The following CDH12 variants were observed in gnomAD, a reference collection of about 807,000 sequenced individuals.
CDH12 encodes the protein cadherin 12, also known as cadherin-12.
In CDH12, 41 loss-of-function variants were observed where a neutral mutation model predicts 74.1. The observed-to-expected ratio is 0.55, with a 90% CI of 0.43 to 0.72. CDH12 has a LOEUF of 0.72. Among genes scored for constraint, CDH12 ranks in the 30% least tolerant of loss-of-function variants. The pLI, the probability that CDH12 is intolerant of heterozygous loss-of-function variation, is 0.00. For synonymous variants in CDH12, 399 were observed against 355.0 expected (o/e 1.12, Z -1.39); for missense variants, 945 against 977.2 (o/e 0.97, Z 0.44).
chr5:22,092,334 A>G (rs1743483733), intron 4 of CDH12, among the ~76,000 whole-genome samples: 1 of 152,140 alleles, frequency 6.6e-6, no homozygotes, highest in African/African-American at 2.4e-5. Context: ...AAGATAACCC[A>G]TAGAATGCAA....
At chr5:21,862,965 A>G (rs577252010) in intron 6 of CDH12, among the ~76,000 whole-genome samples, 31 of 152,128 alleles carry the variant, frequency 2.0e-4, no homozygotes, top group Non-Finnish European at 3.7e-4. Context: ...ACATAGGAAC[A>G]TGGGAGTCTT....
chr5:22,688,206 A>T (rs1741911497), intron 1 of CDH12, among the ~76,000 whole-genome samples: 1 of 152,190 alleles, frequency 6.6e-6, no homozygotes, highest in Non-Finnish European at 1.5e-5. Context: ...GTCAAGATGT[A>T]AGGCATTAGA....
chr5:22,689,993 C>T (rs950092186), intron 1 of CDH12, among the ~76,000 whole-genome samples: 2 of 151,944 alleles, frequency 1.3e-5, no homozygotes, highest in African/African-American at 4.8e-5. Flanking sequence ...GGTATTTCAC[C>T]TGGTTTTCAA....
intron 6 of CDH12, among the ~76,000 whole-genome samples, chr5:21,873,746 G>T (rs1751771726): frequency 6.6e-6 from 1 of 152,090 alleles, no homozygotes; most frequent in African/African-American, 2.4e-5. Context: ...TAGGTATTTA[G>T]CCCAACATGC....
At chr5:22,698,715 ATATATATATATATATATATAGTGT>A (rs1259313566) in intron 1 of CDH12, among the ~76,000 whole-genome samples, 1,604 of 35,466 alleles carry the variant, frequency 0.045, 131 homozygotes, top group Admixed American at 0.066. Context: ...ATATATATAT[ATATATATATATATATATATAGTGT>A]GTGTGTGTGT....
At chr5:22,391,383 A>G (rs969543456) in intron 3 of CDH12, among the ~76,000 whole-genome samples, 5 of 152,222 alleles carry the variant, frequency 3.3e-5, no homozygotes, top group Admixed American at 1.3e-4. Context: ...ACAAATATGT[A>G]TTGAATGCCA....
intron 2 of CDH12, among the ~76,000 whole-genome samples, chr5:22,412,976 T>C (rs187136844): frequency 1.3e-5 from 2 of 152,132 alleles, no homozygotes. Flanking sequence ...CCAGCCTATG[T>C]TACTATGGAA....
intron 1 of CDH12, among the ~76,000 whole-genome samples, chr5:22,755,848 T>G (rs1463056596): frequency 6.6e-6 from 1 of 152,090 alleles, no homozygotes; most frequent in Admixed American, 6.5e-5. Context: ...TCTAACTATT[T>G]TAAAAGTATC....
At chr5:21,934,571 T>C (rs1754987089) in intron 6 of CDH12, among the ~76,000 whole-genome samples, 1 of 152,216 alleles carries the variant, frequency 6.6e-6, no homozygotes. Context: ...GAAAAAGTCA[T>C]ATGCACTTCC....
At chr5:22,403,962 A>T (rs182222916) in intron 3 of CDH12, among the ~76,000 whole-genome samples, 2 of 152,280 alleles carry the variant, frequency 1.3e-5, no homozygotes, top group Admixed American at 6.5e-5. Context: ...TTATTTTACT[A>T]TATGATGCAT....
chr5:22,033,003 C>A, intron 5 of CDH12, among the ~76,000 whole-genome samples: 1 of 143,814 alleles, frequency 7.0e-6, no homozygotes, highest in Middle Eastern at 3.6e-3. Context: ...ATATTCTTAC[C>A]ACAGCCAAGA....
intron 1 of CDH12, among the ~76,000 whole-genome samples, chr5:22,615,992 T>A (rs1162020555): frequency 1.1e-4 from 17 of 152,150 alleles, no homozygotes. Context: ...TTAAGAAAGA[T>A]AGATCTGCTT....
chr5:22,149,099 C>T (rs1357010973), intron 4 of CDH12, among the ~76,000 whole-genome samples: 5 of 152,152 alleles, frequency 3.3e-5, no homozygotes, highest in Admixed American at 6.5e-5. Flanking sequence ...GCCTGGGTGA[C>T]AAGCAAGACT....
intron 1 of CDH12, among the ~76,000 whole-genome samples, chr5:22,728,380 A>G (rs1480549737): frequency 6.6e-6 from 1 of 151,944 alleles, no homozygotes; most frequent in African/African-American, 2.4e-5. Flanking sequence ...GGAGATAAAT[A>G]GAATCTGAGT....
At chr5:22,429,774 A>G (rs1028154623) in intron 2 of CDH12, among the ~76,000 whole-genome samples, 2 of 151,856 alleles carry the variant, frequency 1.3e-5, no homozygotes, top group Non-Finnish European at 2.9e-5. Flanking sequence ...TCATCTTGAC[A>G]ACATCTACAC....
intron 4 of CDH12, among the ~76,000 whole-genome samples, chr5:22,108,630 G>T (rs1744635367): frequency 6.6e-6 from 1 of 152,114 alleles, no homozygotes; most frequent in African/African-American, 2.4e-5. Context: ...TGTACAGCTG[G>T]GCTCTGACAG....
At chr5:22,271,520 G>C (rs79270726) in intron 3 of CDH12, among the ~76,000 whole-genome samples, 6,087 of 152,182 alleles carry the variant, frequency 0.04, 428 homozygotes, top group African/African-American at 0.14. Context: ...ATGTTCTTAA[G>C]AGCATCTTGC....
Position 22,536,999 on chromosome 5 carries a change from C to G in CDH12, c.-522-31635G>C, listed in dbSNP as rs551730130. 6.6e-5 allele frequency among the ~76,000 whole-genome samples: 10 copies of G among 152,240 alleles called. No homozygotes were observed. In the South Asian group the frequency reaches 2.1e-3, roughly 32 times the overall value. ...AAAGGCCTAACTCTTGGTTTTGACC[C>G]CATCAGAACTGACACACCAAGGGCC... On this transcript the variant is annotated intron_variant, in intron 1 of 14. Transcript: ENST00000382254.
intron 4 of CDH12, among the ~76,000 whole-genome samples, chr5:22,089,352 C>A (rs1370130072): frequency 6.6e-6 from 1 of 152,058 alleles, no homozygotes; most frequent in African/African-American, 2.4e-5. Context: ...GATCCACACA[C>A]TGGGATGGGG....
Sources: allele counts gnomAD v4.1 joint callset (sites outside exome capture counted in the v4.1 genomes callset), GRCh38; gene constraint gnomAD v4.1.1; transcripts MANE v1.5; gene names NCBI Gene and HGNC (gene_info 2026-07-23, HGNC 2026-07-21).